Variants in DMXL1 observed in about 807,000 individuals in gnomAD.
DMXL1 encodes dmX-like protein 1.
In DMXL1, 99 loss-of-function variants were observed where a neutral mutation model predicts 319.2. The ratio of observed to expected loss-of-function variants is 0.31; its 90% confidence interval spans 0.26 to 0.37. The LOEUF is 0.37. Among genes scored for constraint, DMXL1 ranks in the 10% least tolerant of loss-of-function variants. DMXL1 has a pLI of 1.00. For synonymous variants in DMXL1, 1,385 were observed against 1,235.2 expected, an observed-to-expected ratio of 1.12 and a Z score of -2.54; for missense variants, 3,745 against 3,595.6, an observed-to-expected ratio of 1.04 and a Z score of -1.06.
At chr5:119,218,325 T>C (rs1784047278) in intron 35 of DMXL1, among the ~76,000 whole-genome samples, 1 of 152,214 alleles carries the variant, frequency 6.6e-6, no homozygotes, top group Non-Finnish European at 1.5e-5. Flanking sequence ...GGTTTATATA[T>C]AAGTACTGGT....
At chr5:119,237,267 A>C in intron 39 of DMXL1, 55 bp from the exon 40 acceptor site, 2 of 1,110,386 alleles carry the variant, frequency 1.8e-6, no homozygotes, top group Non-Finnish European at 2.6e-6. Context: ...GGGTAAGGAT[A>C]AATATATGCT....
intron 18 of DMXL1, among the ~76,000 whole-genome samples, chr5:119,150,993 A>G (rs1205841688): frequency 1.3e-5 from 2 of 152,114 alleles, no homozygotes; most frequent in East Asian, 3.8e-4. Context: ...CAATAGTATA[A>G]AAGATCCAAC....
Position 119,167,831 on chromosome 5 carries a change from A to G in DMXL1, c.5365A>G (p.Thr1789Ala), listed in dbSNP as rs757830988. The G allele has an allele frequency of 7.6e-5, 122 of 1,612,824 alleles. No homozygotes were observed. Among genetic ancestry groups the G allele is most frequent in the Non-Finnish European group, 1.0e-4 (122 of 1,179,632 alleles). ...ILEDYSGALE[T>A]LIKQPIREND... is the part of the protein sequence containing the mutation. ...GGAAGATTATAGTGGTGCTCTGGAA[A>G]CATTAATAAAGCAACCTATCAGAGA... is the stretch of plus-strand genomic sequence containing the variant. The change falls in exon 23 of 44, where the codon ACA becomes GCA. Residue 1789 changes from threonine (T) to alanine (A), a missense_variant. Coordinates refer to ENST00000539542, the MANE Select transcript of DMXL1 (RefSeq NM_001290321.3).
intron 14 of DMXL1, 120 bp downstream of exon 14, chr5:119,144,050 A>G: frequency 1.6e-6 from 1 of 616,486 alleles, no homozygotes; most frequent in East Asian, 3.0e-5. Flanking sequence ...AGATTCAGTA[A>G]TTAACTCATC....
At chr5:119,206,571 T>G (rs1012028859) in intron 33 of DMXL1, 5 of 257,030 alleles carry the variant, frequency 1.9e-5, no homozygotes, top group Admixed American at 1.1e-4. Context: ...CATTTCGAAA[T>G]TGAGTAAAAA....
chr5:119,125,712 C>T (rs936111445), intron 9 of DMXL1, among the ~76,000 whole-genome samples: 1 of 151,950 alleles, frequency 6.6e-6, no homozygotes, highest in Non-Finnish European at 1.5e-5. Context: ...CTACAGACGC[C>T]CGCCACCACT....
At chr5:119,212,063 C>T (rs947832700) in intron 34 of DMXL1, among the ~76,000 whole-genome samples, 1 of 152,156 alleles carries the variant, frequency 6.6e-6, no homozygotes, top group African/African-American at 2.4e-5. Context: ...ATATAAATAA[C>T]ATAAAAGTTA....
chr5:119,190,800 G>T (rs2150376130), intron 29 of DMXL1, among the ~76,000 whole-genome samples: 1 of 152,314 alleles, frequency 6.6e-6, no homozygotes, highest in South Asian at 2.1e-4. Context: ...AAGATGTTCA[G>T]AGATAGTGAC....
At chr5:119,077,860 C>CGT (rs373295354) in intron 1 of DMXL1, among the ~76,000 whole-genome samples, 3,691 of 95,886 alleles carry the variant, frequency 0.038, 197 homozygotes, top group African/African-American at 0.12. Flanking sequence ...TGTATATATA[C>CGT]GTGTGTGTGT....
intron 34 of DMXL1, among the ~76,000 whole-genome samples, chr5:119,210,031 T>C (rs1782465577): frequency 6.6e-6 from 1 of 152,258 alleles, no homozygotes; most frequent in South Asian, 2.1e-4. Context: ...TGCAGTGGTA[T>C]GATCTTGGCT....
intron 1 of DMXL1, among the ~76,000 whole-genome samples, chr5:119,073,732 T>C (rs1051961656): frequency 6.6e-6 from 1 of 152,148 alleles, no homozygotes; most frequent in Non-Finnish European, 1.5e-5. Context: ...TTAGTTTTGA[T>C]GGAATTTTAA....
intron 37 of DMXL1, among the ~76,000 whole-genome samples, chr5:119,224,082 A>G (rs1181325702): frequency 1.3e-5 from 2 of 151,974 alleles, no homozygotes; most frequent in Non-Finnish European, 2.9e-5. Flanking sequence ...TCTCCCTACC[A>G]ACTCCCCACC....
At chr5:119,082,439 T>A (rs1002348117) in intron 1 of DMXL1, among the ~76,000 whole-genome samples, 2 of 152,158 alleles carry the variant, frequency 1.3e-5, no homozygotes, top group Admixed American at 1.3e-4. Flanking sequence ...CATGCCTGGC[T>A]AATTTTTAAA....
At chr5:119,124,871 T>C (rs1402063844) in intron 9 of DMXL1, among the ~76,000 whole-genome samples, 2 of 152,120 alleles carry the variant, frequency 1.3e-5, no homozygotes, top group African/African-American at 4.8e-5. Context: ...CCAACCAACA[T>C]TTTTCTTTTA....
chr5:119,072,399 T>C (rs1024048420), intron 1 of DMXL1, among the ~76,000 whole-genome samples: 1 of 152,118 alleles, frequency 6.6e-6, no homozygotes, highest in African/African-American at 2.4e-5. Context: ...AAGTCAGTAA[T>C]TGCACATGAT....
chr5:119,173,139 G>T (rs1347036978), intron 25 of DMXL1, among the ~76,000 whole-genome samples: 1 of 152,062 alleles, frequency 6.6e-6, no homozygotes, highest in Non-Finnish European at 1.5e-5. Context: ...AGGAATTCAA[G>T]ACCAGCCTGA....
intron 25 of DMXL1, among the ~76,000 whole-genome samples, chr5:119,173,668 A>C (rs374845527): frequency 2.0e-5 from 2 of 100,466 alleles, no homozygotes; most frequent in Non-Finnish European, 4.4e-5. Context: ...AATCAGTAGG[A>C]TGTATGTGTG....
chr5:119,206,117 C>A (rs1039271704), intron 33 of DMXL1, among the ~76,000 whole-genome samples: 4 of 151,980 alleles, frequency 2.6e-5, no homozygotes, highest in African/African-American at 9.7e-5. Context: ...AATAGAATGT[C>A]CTCCCTTTGT....
chr5:119,086,349 A>C, intron 1 of DMXL1, among the ~76,000 whole-genome samples: 1 of 152,192 alleles, frequency 6.6e-6, no homozygotes, highest in Non-Finnish European at 1.5e-5. Flanking sequence ...CACAGAGCCA[A>C]ACCATATCAC....
Sources: gnomAD v4.1 joint callset for allele counts (sites outside exome capture counted in the v4.1 genomes callset) on GRCh38, gnomAD v4.1.1 for gene constraint, MANE v1.5 for transcripts, NCBI Gene and HGNC (gene_info 2026-07-23, HGNC 2026-07-21) for gene names.